The following LRRFIP1 variants were observed in gnomAD, a reference collection of about 807,000 sequenced individuals.
LRRFIP1 encodes the protein LRR binding FLII interacting protein 1.
Under a neutral mutation model 104.4 loss-of-function variants are expected in LRRFIP1, and 62 were observed. The ratio of observed to expected loss-of-function variants is 0.59; its 90% CI spans 0.48 to 0.73. The LOEUF (loss-of-function observed/expected upper bound fraction) is 0.73, where lower values mean the gene tolerates loss of function less well. Ranked by LOEUF, LRRFIP1 falls within the 30% of genes least tolerant of loss-of-function variation. LRRFIP1 has a pLI of 0.00. For missense variants in LRRFIP1, 796 were observed against 824.5 expected, an observed-to-expected ratio of 0.97 and a Z score of 0.42; for synonymous variants, 300 against 299.0, an observed-to-expected ratio of 1.00 and a Z score of -0.03.
intron 5 of LRRFIP1, among the ~76,000 whole-genome samples, chr2:237,720,236 C>T (rs974325187): frequency 3.3e-5 from 5 of 151,412 alleles, no homozygotes; most frequent in East Asian, 1.9e-4. Context: ...CATGAGCCAC[C>T]GTGCCTGGCC....
chr2:237,724,066 G>A (rs1196160135), intron 7 of LRRFIP1, among the ~76,000 whole-genome samples: 1 of 97,808 alleles, frequency 1.0e-5, no homozygotes, highest in Admixed American at 1.1e-4. Flanking sequence ...TTTTTTTTTT[G>A]CCAGAAAGTA....
chr2:237,748,489 T>C (rs2058165856), intron 12 of LRRFIP1, 90 bp downstream of exon 12: 2 of 1,244,972 alleles, frequency 1.6e-6, no homozygotes, highest in Non-Finnish European at 2.3e-6. Flanking sequence ...TTAATAAGGA[T>C]GTTCCCCAGC....
At chr2:237,690,500 G>A (rs910783186) in intron 1 of LRRFIP1, among the ~76,000 whole-genome samples, 1 of 152,106 alleles carries the variant, frequency 6.6e-6, no homozygotes, top group African/African-American at 2.4e-5. Flanking sequence ...ACTTTCGGAG[G>A]CCAAGGCAGG....
chr2:237,632,563 C>T (rs77831017), intron 1 of LRRFIP1, among the ~76,000 whole-genome samples: 2,245 of 152,326 alleles, frequency 0.015, 59 homozygotes, highest in African/African-American at 0.046. Context: ...CCTAAGTCCC[C>T]CTTTCATTCA....
At chr2:237,629,843 G>T (rs891702124) in intron 1 of LRRFIP1, among the ~76,000 whole-genome samples, 1 of 152,150 alleles carries the variant, frequency 6.6e-6, no homozygotes, top group Non-Finnish European at 1.5e-5. Flanking sequence ...GAGCCCTGAG[G>T]TCCTCCCTCC....
At chr2:237,740,636 G>A (rs1264621471) in intron 11 of LRRFIP1, among the ~76,000 whole-genome samples, 14 of 152,126 alleles carry the variant, frequency 9.2e-5, no homozygotes, top group African/African-American at 2.4e-5. Context: ...GTTTGTTTGT[G>A]TTTTAAATTA....
chr2:237,667,301 G>T (rs376862304), intron 1 of LRRFIP1, among the ~76,000 whole-genome samples: 2 of 152,160 alleles, frequency 1.3e-5, no homozygotes, highest in African/African-American at 4.8e-5. Flanking sequence ...TTCACTCAGA[G>T]AACATGTTGG....
At chr2:237,753,902 C>T (rs2150714875) in intron 15 of LRRFIP1, among the ~76,000 whole-genome samples, 1 of 150,114 alleles carries the variant, frequency 6.7e-6, no homozygotes, top group African/African-American at 2.4e-5. Flanking sequence ...GTATAATTTA[C>T]ATTATGTATT....
In LRRFIP1 at chr2:237,717,424, G is replaced by A. The variant is rs183551352; in HGVS notation, c.202-338G>A. 9.8e-5 allele frequency among the ~76,000 whole-genome samples: 15 copies of A among 152,364 alleles called. No homozygotes were observed. In the East Asian group the frequency reaches 2.7e-3, roughly 27 times the overall value. ...CGCGTTTGCTTTGAAGGCATGAGCA[G>A]CCTGTTGGAGGGGGCGTGAAGGCTG... On this transcript the variant is annotated intron_variant, in intron 3 of 23. Coordinates refer to ENST00000308482, the MANE Select transcript of LRRFIP1 (RefSeq NM_001137550.2). This position sits in a 1 kb window ranked among gnomAD's most constrained non-coding sequence, Gnocchi z 4.2.
chr2:237,757,638 T>C, intron 17 of LRRFIP1, 90 bp downstream of exon 17: 1 of 905,860 alleles, frequency 1.1e-6, no homozygotes, highest in Non-Finnish European at 1.8e-6. Flanking sequence ...GCAAAACCGC[T>C]TGTCTGAGTA....
intron 18 of LRRFIP1, 53 bp downstream of exon 18, chr2:237,758,874 G>A: frequency 2.2e-6 from 3 of 1,361,292 alleles, no homozygotes; most frequent in Non-Finnish European, 3.1e-6. Flanking sequence ...AAATCCAGGT[G>A]ACAACAGCAA....
chr2:237,711,402 G>A lies in LRRFIP1; in HGVS notation c.183+2772G>A, dbSNP rs1235896532. Among the ~76,000 whole-genome samples, 2 of 152,226 alleles carry A rather than the reference G, an allele frequency of 1.3e-5. No individual in the cohort carries two copies. Among genetic ancestry groups the A allele is most frequent in the African/African-American group, 2.4e-5 (1 of 41,446 alleles). On this transcript the variant is annotated intron_variant, in intron 2 of 23. Transcript: ENST00000308482. This position sits in a 1 kb window ranked among gnomAD's most constrained non-coding sequence, Gnocchi z 4.4. ...TATCTCGCCCTGTTGCAAATTCGGC[G>A]GAACATCCGCCACTGAGAGCGGTGG...
At chr2:237,630,581 G>A (rs1484556985) in intron 1 of LRRFIP1, among the ~76,000 whole-genome samples, 1 of 152,214 alleles carries the variant, frequency 6.6e-6, no homozygotes, top group Non-Finnish European at 1.5e-5. Flanking sequence ...TCTCAGAAGT[G>A]GCTTCCTGGA....
chr2:237,768,308 T>A (rs2060365874), intron 19 of LRRFIP1: 1 of 152,238 alleles, frequency 6.6e-6, no homozygotes, highest in Non-Finnish European at 1.5e-5. Flanking sequence ...AATGTCAGAT[T>A]ACCTATATCA....
intron 15 of LRRFIP1, among the ~76,000 whole-genome samples, chr2:237,754,501 T>C (rs1436846853): frequency 1.3e-5 from 2 of 152,240 alleles, no homozygotes; most frequent in Non-Finnish European, 2.9e-5. Context: ...ACTTTTTTCA[T>C]ACTTTTAGGA....
At chr2:237,694,076 G>C (rs184689520) in intron 1 of LRRFIP1, among the ~76,000 whole-genome samples, 1 of 152,356 alleles carries the variant, frequency 6.6e-6, no homozygotes, top group Admixed American at 6.5e-5. Flanking sequence ...GTTTTTATAA[G>C]TTTGTGGCAG....
intron 11 of LRRFIP1, 74 bp downstream of exon 11, chr2:237,739,383 C>T (rs575497616): frequency 1.5e-5 from 19 of 1,282,488 alleles, no homozygotes; most frequent in South Asian, 3.9e-5. Context: ...CCTCTTCCAA[C>T]GTCTCCAAAT....
At chr2:237,772,804 ATTGTT>A (rs1361260206) in intron 21 of LRRFIP1, 57 bp from the exon 22 acceptor site, 6 of 1,115,692 alleles carry the variant, frequency 5.4e-6, no homozygotes, top group African/African-American at 1.5e-5. Flanking sequence ...CCCAGTAACT[ATTGTT>A]TTAATATTTG....
At chr2:237,674,948 G>A (rs770975773) in intron 1 of LRRFIP1, among the ~76,000 whole-genome samples, 1 of 152,208 alleles carries the variant, frequency 6.6e-6, no homozygotes, top group Non-Finnish European at 1.5e-5. Flanking sequence ...GTGCCCTATC[G>A]GGCCCTGCCC....
Sources: allele counts gnomAD v4.1 joint callset (sites outside exome capture counted in the v4.1 genomes callset), GRCh38; gene constraint gnomAD v4.1.1; non-coding constraint Gnocchi (gnomAD v3.1); transcripts MANE v1.5; gene names NCBI Gene and HGNC (gene_info 2026-07-23, HGNC 2026-07-21).